The following SPICE1 variants were observed in gnomAD, a reference collection of about 807,000 sequenced individuals.
The protein encoded by SPICE1 is spindle and centriole-associated protein 1.
In SPICE1, 75 loss-of-function variants were observed where a neutral mutation model predicts 102.7. The ratio of observed to expected loss-of-function variants is 0.73; its 90% CI spans 0.61 to 0.88. The LOEUF (loss-of-function observed/expected upper bound fraction) is 0.88, where lower values mean the gene tolerates loss of function less well. Ranked by LOEUF, SPICE1 falls within the 40% of genes least tolerant of loss-of-function variation. SPICE1 has a pLI of 0.00. For synonymous variants in SPICE1, 308 were observed against 350.3 expected (o/e 0.88, Z 1.35); for missense variants, 979 against 1,020.1 (o/e 0.96, Z 0.55).
At chr3:113,461,737 T>C (rs1935938045) in intron 11 of SPICE1, among the ~76,000 whole-genome samples, 1 of 152,204 alleles carries the variant, frequency 6.6e-6, no homozygotes. Context: ...GTAACAAACT[T>C]CTATCTAAGC....
At chr3:113,470,929 A>G (rs2107467101) in intron 7 of SPICE1, among the ~76,000 whole-genome samples, 1 of 152,358 alleles carries the variant, frequency 6.6e-6, no homozygotes. Flanking sequence ...TTGAAAGCAG[A>G]CAACTTGTCT....
rs1420304226 is a variant in SPICE1 at position 113,477,166 on chromosome 3, C to CA, written c.612-7929dup. Among the ~76,000 whole-genome samples, 443 of 151,906 alleles carry CA rather than the reference C, an allele frequency of 2.9e-3. 3 individuals are homozygous for CA. Among genetic ancestry groups the CA allele is most frequent in the African/African-American group, 0.01 (418 of 41,414 alleles). ...TCTCAAAAGAAGACATTTATGCAGC[C>CA]AAAAAAACACATGAAAAAATGCTCA... On this transcript the variant is annotated intron_variant, in intron 7 of 17. Transcript: ENST00000295872.
intron 12 of SPICE1, chr3:113,459,346 T>C: frequency 6.3e-6 from 3 of 473,738 alleles, no homozygotes; most frequent in Non-Finnish European, 8.3e-6. Flanking sequence ...TCTGCTGACC[T>C]TCCCTCCACT....
At chr3:113,468,697 G>C in intron 9 of SPICE1, 65 bp downstream of exon 9, 2 of 1,514,892 alleles carry the variant, frequency 1.3e-6, no homozygotes, top group Non-Finnish European at 1.8e-6. Context: ...CATTGACTAA[G>C]AGATTAAGAC....
intron 7 of SPICE1, among the ~76,000 whole-genome samples, chr3:113,472,948 C>A (rs141663986): frequency 6.6e-6 from 1 of 152,160 alleles, no homozygotes; most frequent in Non-Finnish European, 1.5e-5. Context: ...ATGACTTTGA[C>A]GAGTTGAGAG....
intron 7 of SPICE1, among the ~76,000 whole-genome samples, chr3:113,472,864 TA>T (rs1403137426): frequency 1.3e-5 from 2 of 152,098 alleles, no homozygotes; most frequent in Admixed American, 6.5e-5. Flanking sequence ...CTGGAAACTC[TA>T]AAAAGCAGAG....
At chr3:113,476,372 G>T (rs376477297) in intron 7 of SPICE1, among the ~76,000 whole-genome samples, 3 of 151,198 alleles carry the variant, frequency 2.0e-5, no homozygotes, top group Non-Finnish European at 2.9e-5. Flanking sequence ...AGGTAATTTA[G>T]AGATTCAATG....
intron 7 of SPICE1, among the ~76,000 whole-genome samples, chr3:113,475,984 G>A (rs1936335557): frequency 6.6e-6 from 1 of 152,124 alleles, no homozygotes; most frequent in African/African-American, 2.4e-5. Flanking sequence ...AGGAAAAGAG[G>A]AAGTCAAATT....
intron 10 of SPICE1, among the ~76,000 whole-genome samples, chr3:113,467,585 G>A (rs113005796): frequency 0.041 from 6,251 of 152,282 alleles, 420 homozygotes; most frequent in African/African-American, 0.14. Flanking sequence ...ATAGGCGTGA[G>A]CCACCACACC....
At chr3:113,494,184 T>G in intron 4 of SPICE1, 42 bp from the exon 5 acceptor site, 1 of 1,388,686 alleles carries the variant, frequency 7.2e-7, no homozygotes, top group East Asian at 2.3e-5. Context: ...TCAGATTATA[T>G]TTACTTTTCA....
At chr3:113,468,716 C>A (rs972042637) in intron 9 of SPICE1, 46 bp downstream of exon 9, 6 of 1,575,352 alleles carry the variant, frequency 3.8e-6, no homozygotes, top group South Asian at 1.2e-5. Flanking sequence ...ACAGCTGTAT[C>A]AAGTTACATG....
chr3:113,478,486 T>C (rs1936414921), intron 7 of SPICE1, among the ~76,000 whole-genome samples: 1 of 152,154 alleles, frequency 6.6e-6, no homozygotes, highest in Admixed American at 6.5e-5. Context: ...TGACAAAGCA[T>C]ACTTTATAAT....
chr3:113,482,969 G>C (rs1325805152), intron 7 of SPICE1, among the ~76,000 whole-genome samples: 1 of 152,152 alleles, frequency 6.6e-6, no homozygotes, highest in Non-Finnish European at 1.5e-5. Context: ...GATGGGGATA[G>C]CATTGAATCT....
chr3:113,503,116 G>T, intron 3 of SPICE1, 64 bp downstream of exon 3: 1 of 1,524,192 alleles, frequency 6.6e-7, no homozygotes, highest in South Asian at 1.2e-5. Flanking sequence ...CTATTCTAAA[G>T]GTTACAAGTC....
chr3:113,495,602 A>G (rs1337871930), intron 4 of SPICE1, among the ~76,000 whole-genome samples: 1 of 152,216 alleles, frequency 6.6e-6, no homozygotes, highest in Non-Finnish European at 1.5e-5. Flanking sequence ...TGGATATGGA[A>G]ACACTGAAAA....
chr3:113,454,068 T>C, intron 13 of SPICE1, 118 bp from the exon 14 acceptor site: 4 of 933,418 alleles, frequency 4.3e-6, no homozygotes, highest in Non-Finnish European at 4.7e-6. Flanking sequence ...AGGGTTTGGC[T>C]TCTGAATGCT....
In SPICE1 at chr3:113,445,116, G is replaced by A. The variant is rs754683433; in HGVS notation, c.*191C>T. The A allele has an allele frequency of 2.0e-4, 90 of 452,304 alleles. No homozygotes were observed. Among genetic ancestry groups the A allele is most frequent in the Non-Finnish European group, 2.9e-4 (74 of 257,248 alleles). 28.0% of individuals were successfully genotyped at this position (452,304 alleles called of 1,614,324 possible). ...AAAGTTTCATTCACAGGGAGCTGTA[G>A]GTCAGTTGGTTGTTGAAAACTTATT... On this transcript the variant is annotated 3_prime_UTR_variant, in exon 18 of 18. Coordinates refer to ENST00000295872, the MANE Select transcript of SPICE1 (RefSeq NM_144718.4).
chr3:113,486,696 C>T (rs1472816424), intron 7 of SPICE1, among the ~76,000 whole-genome samples: 1 of 151,422 alleles, frequency 6.6e-6, no homozygotes, highest in Non-Finnish European at 1.5e-5. Context: ...GTTAATTACC[C>T]CAATCTGATT....
chr3:113,452,159 G>A (rs57529679), intron 14 of SPICE1, among the ~76,000 whole-genome samples: 5,584 of 152,242 alleles, frequency 0.037, 183 homozygotes, highest in African/African-American at 0.09. Flanking sequence ...GAAGGTTTAA[G>A]TTACCAGGTT....
Sources: gnomAD v4.1 joint callset for allele counts (sites outside exome capture counted in the v4.1 genomes callset) on GRCh38, gnomAD v4.1.1 for gene constraint, MANE v1.5 for transcripts, NCBI Gene and HGNC (gene_info 2026-07-23, HGNC 2026-07-21) for gene names.